The following ARHGEF17 variants were observed in gnomAD, a reference collection of about 807,000 sequenced individuals.
ARHGEF17 encodes the protein Rho guanine nucleotide exchange factor 17.
In ARHGEF17, 80 loss-of-function variants were observed where a neutral mutation model predicts 174.0. That is an observed-to-expected ratio of 0.46 (90% confidence interval 0.38 to 0.55). The LOEUF is 0.55. ARHGEF17 is among the 20% of genes least tolerant of loss of function. ARHGEF17 has a pLI of 0.00. For synonymous variants in ARHGEF17, 1,311 were observed against 1,189.1 expected (o/e 1.10, Z -2.11); for missense variants, 2,886 against 2,839.7 (o/e 1.02, Z -0.37).
chr11:73,354,709 C>T (rs1338201629), intron 3 of ARHGEF17, among the ~76,000 whole-genome samples: 1 of 145,554 alleles, frequency 6.9e-6, no homozygotes, highest in Non-Finnish European at 1.5e-5. Flanking sequence ...GAGTGAGACT[C>T]CGTCTCAAAA....
intron 1 of ARHGEF17, among the ~76,000 whole-genome samples, chr11:73,341,423 C>T (rs528464373): frequency 4.6e-5 from 7 of 152,280 alleles, no homozygotes; most frequent in African/African-American, 1.7e-4. Context: ...TCTCCTGCCT[C>T]AGCCTCCCGA....
chr11:73,315,233 G>C (rs912764413), intron 1 of ARHGEF17, among the ~76,000 whole-genome samples: 2 of 152,220 alleles, frequency 1.3e-5, no homozygotes, highest in African/African-American at 4.8e-5. Context: ...ATCCCCAACA[G>C]CCTGAACACT....
At chr11:73,337,423 AAG>A (rs1185559740) in intron 1 of ARHGEF17, among the ~76,000 whole-genome samples, 1 of 151,750 alleles carries the variant, frequency 6.6e-6, no homozygotes, top group Non-Finnish European at 1.5e-5. Context: ...AAAAAAAAAA[AAG>A]CATGTGAGAT....
intron 12 of ARHGEF17, among the ~76,000 whole-genome samples, chr11:73,361,409 C>G (rs1373523725): frequency 6.6e-6 from 1 of 152,172 alleles, no homozygotes; most frequent in Non-Finnish European, 1.5e-5. Flanking sequence ...TGGGAAGTAG[C>G]TTCATTTATG....
rs149054812 is a variant in ARHGEF17 at position 73,346,023 on chromosome 11, G to A, written c.3193-860G>A. 1.0e-3 allele frequency among the ~76,000 whole-genome samples: 154 copies of A among 152,082 alleles called. 1 individual carries two copies. Among genetic ancestry groups the A allele is most frequent in the South Asian group, 6.4e-3 (31 of 4,808 alleles). ...AGCAGCAGGTAAGTTCAGTCCCAGG[G>A]GCTGAACACAAGGCATCCCAGACAG... On this transcript the variant is annotated intron_variant, in intron 1 of 20. Transcript: ENST00000263674.
Position 73,363,874 on chromosome 11 carries a change from A to G in ARHGEF17, c.5333+41A>G, listed in dbSNP as rs753580463. On this transcript the variant is annotated intron_variant, in intron 16 of 20. Coordinates refer to ENST00000263674, the MANE Select transcript of ARHGEF17 (RefSeq NM_014786.4). ...GGCCCTTCCTATCTAGACTCTTCTCAGCCACACGTGCAGGCCTCCTTCTGT... is the reference window on the plus strand; with the variant it reads ...GGCCCTTCCTATCTAGACTCTTCTCGGCCACACGTGCAGGCCTCCTTCTGT... 3.2e-6 allele frequency: 5 copies of G among 1,586,194 alleles called. No homozygotes were observed. The East Asian group carries it at 1.1e-4, about 35-fold the overall frequency.
chr11:73,310,908 G>A lies in ARHGEF17; in HGVS notation c.2270G>A (p.Ser757Asn), dbSNP rs374025043. ...GAGCCTACTGGGTTCTCTGTGGACA[G>A]CAACCTCCTGGGCTCACTGAGCCCC... ...SEEPTGFSVD[S>N]NLLGSLSPKT... is the part of the protein sequence containing the mutation. The change falls in exon 1 of 21, where the codon AGC becomes AAC. Residue 757 changes from serine (S) to asparagine (N), a missense_variant. Physicochemically the swap from Ser to Asn is conservative, Grantham distance 46. Around this residue, in one of 4 missense-constraint regions of ARHGEF17, gnomAD observed 1,728 missense variants for 1,461.2 expected, o/e 1.18. Coordinates refer to ENST00000263674, the MANE Select transcript of ARHGEF17 (RefSeq NM_014786.4). 3 of 1,613,420 alleles carry A rather than the reference G, an allele frequency of 1.9e-6. No homozygotes were observed. In the African/African-American group the frequency reaches 4.0e-5, roughly 22 times the overall value.
At chr11:73,366,323 A>C (rs1865838673) in intron 20 of ARHGEF17, among the ~76,000 whole-genome samples, 2 of 152,234 alleles carry the variant, frequency 1.3e-5, no homozygotes. Context: ...GAAATGATAT[A>C]TAGGGCAGGA....
chr11:73,342,713 G>C (rs1009889983), intron 1 of ARHGEF17, among the ~76,000 whole-genome samples: 6 of 152,128 alleles, frequency 3.9e-5, no homozygotes, highest in African/African-American at 1.4e-4. Context: ...TACAGGTGCG[G>C]ACGGAAAGTA....
Position 73,364,245 on chromosome 11 carries a change from T to C in ARHGEF17, c.5401+6T>C, listed in dbSNP as rs1296740487. On this transcript the variant is annotated splice_donor_region_variant and intron_variant, in intron 17 of 20. Transcript: ENST00000263674. Reference sequence around the variant, plus strand: ...GGTCTACCAAAGGGAAGCAGGTGAGTATCTGCCCTCCCCCACACCCTGCCC... The same window carrying C: ...GGTCTACCAAAGGGAAGCAGGTGAGCATCTGCCCTCCCCCACACCCTGCCC... 2 of 1,613,854 alleles carry C rather than the reference T, an allele frequency of 1.2e-6. No individual in the cohort carries two copies. The highest frequency in any genetic ancestry group is 1.6e-4 in the Middle Eastern group (1 of 6,062).
rs747396713 is a variant in ARHGEF17 at position 73,367,701 on chromosome 11, T to G, written c.6113T>G (p.Leu2038Arg). The G allele has an allele frequency of 4.1e-5, 66 of 1,614,062 alleles. No individual in the cohort carries two copies. The highest frequency in any genetic ancestry group is 5.4e-5 in the Non-Finnish European group (64 of 1,179,984). The change falls in exon 21 of 21, where the codon CTC (leucine) becomes CGC (arginine). Residue 2038 changes from leucine (L) to arginine (R), a missense_variant. By Grantham distance (102) the Leu-to-Arg change is moderately radical. Transcript: ENST00000263674. Reference sequence around the variant, plus strand: ...GGTGATGGCTATGAGGACTTCCGACTCAGCAGTGGGGGCGGCAGCAGCAGT... The same window carrying G: ...GGTGATGGCTATGAGGACTTCCGACGCAGCAGTGGGGGCGGCAGCAGCAGT... ...SGGDGYEDFRLSSGGGSSSET... is the reference protein window; with the variant it reads ...SGGDGYEDFRRSSGGGSSSET...
rs1242567371 is a variant in ARHGEF17 at position 73,310,351 on chromosome 11, C to T, written c.1713C>T (p.Leu571=). Residue 571 remains leucine, a synonymous_variant, in exon 1 of 21, where the codon CTC becomes CTT. Coordinates refer to ENST00000263674, the MANE Select transcript of ARHGEF17 (RefSeq NM_014786.4). ...TSALKSSSSE[L]LLTGPGAEED... ...CTCTGAAGTCCAGCTCCTCCGAGCTCCTGCTCACAGGCCCTGGTGCCGAGG... is the reference window on the plus strand; with the variant it reads ...CTCTGAAGTCCAGCTCCTCCGAGCTTCTGCTCACAGGCCCTGGTGCCGAGG... The T allele has an allele frequency of 5.6e-6, 9 of 1,613,744 alleles. No homozygotes were observed. The highest frequency in any genetic ancestry group is 6.8e-6 in the Non-Finnish European group (8 of 1,180,008).
intron 2 of ARHGEF17, among the ~76,000 whole-genome samples, chr11:73,350,161 C>T (rs1416943638): frequency 2.0e-5 from 3 of 152,168 alleles, no homozygotes; most frequent in Non-Finnish European, 4.4e-5. Context: ...TTGTATTAAC[C>T]TTGTGAGGTA....
chr11:73,311,540 C>T lies in ARHGEF17; in HGVS notation c.2902C>T (p.Pro968Ser). The T allele has an allele frequency of 1.2e-6, 2 of 1,613,594 alleles. No homozygotes were observed. Among genetic ancestry groups the T allele is most frequent in the South Asian group, 2.2e-5 (2 of 91,092 alleles). Residue 968 changes from proline (P) to serine (S), a missense_variant, in exon 1 of 21, where the codon CCT becomes TCT. Pro to Ser is a moderately conservative substitution (Grantham distance 74). Transcript: ENST00000263674. ...RHASVPATFM[P>S]IVVPEPPTSV... ...TGCCAGTGTGCCCGCCACATTTATG[C>T]CTATTGTGGTGCCTGAGCCACCAAC...
At position 73,360,461 on chromosome 11, in the gene ARHGEF17, A is replaced by C; in HGVS notation, c.4348A>C (p.Ile1450Leu). 6.2e-7 allele frequency: 1 copy of C among 1,614,024 alleles called. No individual in the cohort carries two copies. Among genetic ancestry groups the C allele is most frequent in the Non-Finnish European group, 8.5e-7 (1 of 1,180,034 alleles). The change falls in exon 11 of 21, where the codon ATT (isoleucine) becomes CTT (leucine). Residue 1450 changes from isoleucine to leucine, a missense_variant. Physicochemically the swap from Ile to Leu is conservative, Grantham distance 5 (BLOSUM62 2). This residue lies in a region of ARHGEF17 where 476 missense variants were observed against 473.1 expected (regional missense o/e 1.01). Coordinates refer to ENST00000263674, the MANE Select transcript of ARHGEF17 (RefSeq NM_014786.4). ...TCGGCCCGAGGGCACCGACTCCTAC[A>C]TTTTTGAGTTCCCTCACCCTGACGC... ...ATRPEGTDSY[I>L]FEFPHPDARL... is the part of the protein sequence containing the mutation.
At chr11:73,325,282 G>A (rs1341256501) in intron 1 of ARHGEF17, among the ~76,000 whole-genome samples, 1 of 152,146 alleles carries the variant, frequency 6.6e-6, no homozygotes, top group Non-Finnish European at 1.5e-5. Context: ...CCTGTCCCAT[G>A]AGTTGAACTC....
At position 73,310,040 on chromosome 11, in the gene ARHGEF17, G is replaced by A. The variant is rs1439459860; in HGVS notation, c.1402G>A (p.Ala468Thr). The change falls in exon 1 of 21, where the codon GCC becomes ACC. Residue 468 changes from alanine to threonine, a missense_variant. Physicochemically the swap from Ala to Thr is moderately conservative, Grantham distance 58. Transcript: ENST00000263674. ...GAAGTCCCTGTCAAATCCAGATATC[G>A]CCTCAGAGACCCTGACGCTTCTCAG... ...QRKSLSNPDI[A>T]SETLTLLSFL... The A allele has an allele frequency of 6.2e-7, 1 of 1,614,146 alleles. No individual in the cohort carries two copies. The highest frequency in any genetic ancestry group is 2.2e-5 in the East Asian group (1 of 44,890).
intron 1 of ARHGEF17, among the ~76,000 whole-genome samples, chr11:73,327,425 G>C (rs1865119883): frequency 1.3e-5 from 2 of 152,170 alleles, no homozygotes; most frequent in Non-Finnish European, 2.9e-5. Context: ...TGTGTAAAAG[G>C]AAGAGTATGA....
chr11:73,358,752 A>C (rs956449073), intron 9 of ARHGEF17, among the ~76,000 whole-genome samples: 2 of 151,742 alleles, frequency 1.3e-5, no homozygotes, highest in East Asian at 3.9e-4. Context: ...GCGTGAGCCA[A>C]CACGTCAGCC....
Sources: allele counts gnomAD v4.1 joint callset (sites outside exome capture counted in the v4.1 genomes callset), GRCh38; gene constraint gnomAD v4.1.1; regional missense constraint gnomAD v4.1.1; transcripts MANE v1.5; gene names NCBI Gene and HGNC (gene_info 2026-07-23, HGNC 2026-07-21).